RANBP17: variants seen among roughly 807,000 people sequenced by gnomAD.
RANBP17 encodes ran-binding protein 17.
Under a neutral mutation model 141.2 loss-of-function variants are expected in RANBP17, and 158 were observed. The observed-to-expected ratio is 1.12, with a 90% CI of 0.98 to 1.28. The LOEUF (loss-of-function observed/expected upper bound fraction) is 1.28, where lower values mean the gene tolerates loss of function less well. Ranked by LOEUF, RANBP17 falls within the 50% of genes most tolerant of loss-of-function variation. RANBP17 has a pLI of 0.00. For missense variants in RANBP17, 1,438 were observed against 1,290.7 expected (o/e 1.11, Z -1.75); for synonymous variants, 430 against 450.0 (o/e 0.96, Z 0.56).
rs57307801 is a variant in RANBP17 at position 171,117,829 on chromosome 5, TTTGTTG to T, written c.1711-52271_1711-52266del. 2.6e-3 allele frequency among the ~76,000 whole-genome samples: 383 copies of T among 147,554 alleles called. 4 individuals are homozygous for T. Among genetic ancestry groups the T allele is most frequent in the South Asian group, 0.013 (58 of 4,492 alleles). On this transcript the variant is annotated intron_variant, in intron 14 of 27. Coordinates refer to ENST00000523189, the MANE Select transcript of RANBP17 (RefSeq NM_022897.5). ...TTTCTAATTGGATTATATGTGGGGTTTTGTTGTTGTTGTTGTTGTTGTTGTTGTTGT... is the reference window on the plus strand; with the variant it reads ...TTTCTAATTGGATTATATGTGGGGTTTTGTTGTTGTTGTTGTTGTTGTTGT...
intron 2 of RANBP17, among the ~76,000 whole-genome samples, chr5:170,880,498 A>G (rs979761224): frequency 1.3e-5 from 2 of 152,220 alleles, no homozygotes; most frequent in Non-Finnish European, 2.9e-5. Context: ...TGGCTAACAA[A>G]TGAGCCACTT....
Position 170,919,316 on chromosome 5 carries a change from T to C in RANBP17, c.1102-125T>C, listed in dbSNP as rs115080278. The C allele has an allele frequency of 1.7e-3, 1,086 of 645,162 alleles. 6 individuals carry two copies. The highest frequency in any genetic ancestry group is 0.013 in the African/African-American group (717 of 54,028). 40.0% of individuals were successfully genotyped at this position (645,162 alleles called of 1,614,324 possible). On this transcript the variant is annotated intron_variant, in intron 10 of 27. Coordinates refer to ENST00000523189, the MANE Select transcript of RANBP17 (RefSeq NM_022897.5). ...GCATTTATAAATTTGCTATATTATG[T>C]GTTCATTAGTTTTATAGTAAGAATA...
chr5:171,095,465 T>C (rs1418392004), intron 14 of RANBP17, among the ~76,000 whole-genome samples: 1 of 152,182 alleles, frequency 6.6e-6, no homozygotes, highest in Admixed American at 6.5e-5. Flanking sequence ...TGTAGGACAT[T>C]ACTGGCTACG....
At chr5:171,258,863 A>C (rs1041450280) in intron 24 of RANBP17, among the ~76,000 whole-genome samples, 7 of 152,230 alleles carry the variant, frequency 4.6e-5, no homozygotes, top group African/African-American at 1.7e-4. Flanking sequence ...CAACAAAAAC[A>C]AAAATTAGAC....
At chr5:170,999,473 A>C (rs1779052021) in intron 14 of RANBP17, among the ~76,000 whole-genome samples, 1 of 152,154 alleles carries the variant, frequency 6.6e-6, no homozygotes, top group Non-Finnish European at 1.5e-5. Context: ...ATCTTTGTGA[A>C]GCTGTACCTA....
chr5:170,989,357 T>C (rs547536551), intron 14 of RANBP17, among the ~76,000 whole-genome samples: 3 of 151,908 alleles, frequency 2.0e-5, no homozygotes, highest in African/African-American at 4.8e-5. Flanking sequence ...TTGAGTATCA[T>C]TTGGAAACAT....
At chr5:170,952,330 A>C (rs189433574) in intron 12 of RANBP17, among the ~76,000 whole-genome samples, 1 of 151,976 alleles carries the variant, frequency 6.6e-6, no homozygotes, top group Non-Finnish European at 1.5e-5. Flanking sequence ...TTACTCTCCT[A>C]CTTAATCTAT....
chr5:171,214,198 TCC>T (rs1286155909), intron 21 of RANBP17, among the ~76,000 whole-genome samples: 1 of 152,200 alleles, frequency 6.6e-6, no homozygotes, highest in African/African-American at 2.4e-5. Flanking sequence ...TGGGAATTAT[TCC>T]TGCTTTCACT....
intron 6 of RANBP17, chr5:170,910,689 C>A (rs1012739597): frequency 9.4e-6 from 3 of 319,564 alleles, no homozygotes; most frequent in Non-Finnish European, 1.7e-5. Context: ...TGAGAATGGG[C>A]ATTATCTTGG....
At chr5:171,045,150 A>T (rs1415210831) in intron 14 of RANBP17, among the ~76,000 whole-genome samples, 1 of 152,112 alleles carries the variant, frequency 6.6e-6, no homozygotes, top group East Asian at 1.9e-4. Flanking sequence ...AAACAATTTG[A>T]GCAGTTTTGT....
At chr5:171,111,335 A>T (rs1755216091) in intron 14 of RANBP17, among the ~76,000 whole-genome samples, 1 of 152,116 alleles carries the variant, frequency 6.6e-6, no homozygotes, top group African/African-American at 2.4e-5. Flanking sequence ...TTCTTACCTC[A>T]GTCACAAAAT....
intron 14 of RANBP17, among the ~76,000 whole-genome samples, chr5:171,011,888 T>C (rs1780062319): frequency 6.6e-6 from 1 of 152,018 alleles, no homozygotes; most frequent in Non-Finnish European, 1.5e-5. Context: ...AATGTCTCTT[T>C]AATCTAACAT....
At chr5:170,997,169 A>G (rs1474168956) in intron 14 of RANBP17, among the ~76,000 whole-genome samples, 1 of 152,050 alleles carries the variant, frequency 6.6e-6, no homozygotes, top group South Asian at 2.1e-4. Flanking sequence ...AAGAACTTGC[A>G]TTGTTTCCCC....
intron 14 of RANBP17, among the ~76,000 whole-genome samples, chr5:171,107,986 T>G (rs1322349258): frequency 6.6e-6 from 1 of 152,230 alleles, no homozygotes; most frequent in Non-Finnish European, 1.5e-5. Flanking sequence ...AGGCCATAAT[T>G]AACCTTTTGA....
In RANBP17 at chr5:170,966,262, A is replaced by G. The variant is rs367702003; in HGVS notation, c.1575-1980A>G. 2.5e-4 allele frequency among the ~76,000 whole-genome samples: 38 copies of G among 152,224 alleles called. No homozygotes were observed. In the South Asian group the frequency reaches 7.9e-3, roughly 32 times the overall value. The stretch of plus-strand genomic sequence containing the variant: ...CCAAAAAAGAGAATTTTAGACCAAT[A>G]TCCTTGATGAACATTGATGCAAAAA... On this transcript the variant is annotated intron_variant, in intron 13 of 27. Transcript: ENST00000523189.
At chr5:170,932,201 A>G (rs1340872022) in intron 12 of RANBP17, among the ~76,000 whole-genome samples, 1 of 150,756 alleles carries the variant, frequency 6.6e-6, no homozygotes, top group Non-Finnish European at 1.5e-5. Context: ...TGATTTGGCT[A>G]TCTGTTTGTC....
intron 24 of RANBP17, among the ~76,000 whole-genome samples, chr5:171,257,689 A>C (rs1211988564): frequency 1.3e-5 from 2 of 152,226 alleles, no homozygotes; most frequent in African/African-American, 4.8e-5. Flanking sequence ...AGATTTGATA[A>C]ATAAATGCAC....
chr5:170,971,055 A>G (rs1776950669), intron 14 of RANBP17, among the ~76,000 whole-genome samples: 2 of 152,198 alleles, frequency 1.3e-5, no homozygotes, highest in Non-Finnish European at 1.5e-5. Context: ...CAGGTAATAA[A>G]GGATATATTC....
chr5:171,130,696 A>G (rs1756852845), intron 14 of RANBP17, among the ~76,000 whole-genome samples: 1 of 152,036 alleles, frequency 6.6e-6, no homozygotes, highest in East Asian at 1.9e-4. Flanking sequence ...ACCCAACCAA[A>G]AAAATACTTT....
Sources: gnomAD v4.1 joint callset for allele counts (sites outside exome capture counted in the v4.1 genomes callset) on GRCh38, gnomAD v4.1.1 for gene constraint, MANE v1.5 for transcripts, NCBI Gene and HGNC (gene_info 2026-07-23, HGNC 2026-07-21) for gene names.